DCC: variants seen among roughly 807,000 people sequenced by gnomAD.
DCC encodes DCC netrin 1 receptor, also known as netrin receptor DCC.
In DCC, 58 loss-of-function variants were observed where a neutral mutation model predicts 172.5. That is an observed-to-expected ratio of 0.34 (90% CI 0.27 to 0.42). The LOEUF (loss-of-function observed/expected upper bound fraction) is 0.42. Among genes scored for constraint, DCC ranks in the 10% least tolerant of loss-of-function variants. The pLI, the probability that DCC is intolerant of heterozygous loss-of-function variation, is 1.00. For missense variants in DCC, 1,740 were observed against 1,791.0 expected (o/e 0.97, Z 0.51); for synonymous variants, 709 against 644.5 (o/e 1.10, Z -1.52).
intron 12 of DCC, among the ~76,000 whole-genome samples, chr18:53,226,949 T>TATATATATA (rs1555734428): frequency 2.1e-5 from 1 of 47,476 alleles, no homozygotes; most frequent in Non-Finnish European, 4.1e-5. Flanking sequence ...TATATATATA[T>TATATATATA]TTTTTTTTTT....
At chr18:52,718,825 T>C (rs767283095) in intron 1 of DCC, among the ~76,000 whole-genome samples, 1 of 152,196 alleles carries the variant, frequency 6.6e-6, no homozygotes, top group African/African-American at 2.4e-5. Flanking sequence ...GGTAACTTTG[T>C]GAAGGCAAGT....
intron 12 of DCC, among the ~76,000 whole-genome samples, chr18:53,232,064 T>C (rs780387606): frequency 2.6e-5 from 4 of 152,152 alleles, no homozygotes; most frequent in Admixed American, 1.3e-4. Context: ...GTTCTGTCCC[T>C]CTATAACGTC....
At chr18:53,104,608 G>A (rs1248157937) in intron 7 of DCC, among the ~76,000 whole-genome samples, 1 of 151,822 alleles carries the variant, frequency 6.6e-6, no homozygotes, top group African/African-American at 2.4e-5. Context: ...TGATTTTCTG[G>A]TAATTCAAAA....
chr18:53,378,404 G>A (rs1443551491), intron 15 of DCC, among the ~76,000 whole-genome samples: 1 of 148,624 alleles, frequency 6.7e-6, no homozygotes, highest in African/African-American at 2.6e-5. Flanking sequence ...AATGGCGATT[G>A]TTGAGTGTCC....
Position 53,128,784 on chromosome 18 carries a change from GTACT to G in DCC, c.1262-28566_1262-28563del, listed in dbSNP as rs528850389. On this transcript the variant is annotated intron_variant, in intron 7 of 28. Transcript: ENST00000442544. ...TGAAACAGTTACTGTTAAAATGTTAGTACTTACTTTTAATATTTGCCTCTCTACG... is the reference window on the plus strand; with the variant it reads ...TGAAACAGTTACTGTTAAAATGTTAGTACTTTTAATATTTGCCTCTCTACG... Among the ~76,000 whole-genome samples the G allele has an allele frequency of 4.4e-3, 640 of 146,230 alleles. 6 individuals carry two copies. In the Middle Eastern group the frequency reaches 0.056, roughly 13 times the overall value.
chr18:53,412,382 T>C (rs1217823594), intron 20 of DCC, among the ~76,000 whole-genome samples: 2 of 152,166 alleles, frequency 1.3e-5, no homozygotes, highest in East Asian at 3.8e-4. Flanking sequence ...ATTTTGTACA[T>C]GTATACATCT....
intron 12 of DCC, among the ~76,000 whole-genome samples, chr18:53,281,598 A>G (rs994757510): frequency 1.3e-5 from 2 of 152,080 alleles, no homozygotes; most frequent in Admixed American, 6.6e-5. Context: ...CTGACTTCAT[A>G]TTCCTTTTTG....
At chr18:53,021,111 A>G (rs75987806) in intron 5 of DCC, among the ~76,000 whole-genome samples, 17,699 of 152,054 alleles carry the variant, frequency 0.12, 1,396 homozygotes, top group East Asian at 0.32. Flanking sequence ...CCTGAGGGAA[A>G]GGGCACTTGC....
intron 1 of DCC, among the ~76,000 whole-genome samples, chr18:52,619,078 C>T (rs866471379): frequency 3.2e-4 from 49 of 152,234 alleles, no homozygotes; most frequent in Middle Eastern, 3.4e-3. Context: ...GCTGGGATTA[C>T]GGGCATGCAC....
intron 2 of DCC, among the ~76,000 whole-genome samples, chr18:52,787,332 A>G (rs1457968701): frequency 6.6e-6 from 1 of 152,124 alleles, no homozygotes; most frequent in African/African-American, 2.4e-5. Flanking sequence ...GGTCCTTAAT[A>G]TGGCTTGATG....
intron 19 of DCC, among the ~76,000 whole-genome samples, chr18:53,405,438 G>A (rs1265004600): frequency 6.6e-6 from 1 of 152,060 alleles, no homozygotes; most frequent in African/African-American, 2.4e-5. Flanking sequence ...TAATAGAACC[G>A]CACTAGAATA....
At position 53,387,169 on chromosome 18, in the gene DCC, G is replaced by A. The variant is rs147594074; in HGVS notation, c.2455+1031G>A. Among the ~76,000 whole-genome samples, 1,099 of 152,306 alleles carry A rather than the reference G, an allele frequency of 7.2e-3. 4 individuals carry two copies. The highest frequency in any genetic ancestry group is 0.02 in the Middle Eastern group (6 of 294). On this transcript the variant is annotated intron_variant, in intron 16 of 28. Transcript: ENST00000442544. Reference sequence around the variant, plus strand: ...GTTATAAAATAAATAGTGGAATCCCGTGGCTTCTACTCCTGCCCAAATTTA... The same window carrying A: ...GTTATAAAATAAATAGTGGAATCCCATGGCTTCTACTCCTGCCCAAATTTA...
chr18:52,803,937 C>CCAGTCCT (rs1304095484), intron 2 of DCC, among the ~76,000 whole-genome samples: 41 of 152,148 alleles, frequency 2.7e-4, no homozygotes, highest in African/African-American at 9.6e-4. Flanking sequence ...TGACGTTTTG[C>CCAGTCCT]TGGGGATGCA....
intron 1 of DCC, among the ~76,000 whole-genome samples, chr18:52,649,278 C>A (rs1329474967): frequency 6.7e-6 from 1 of 149,782 alleles, no homozygotes; most frequent in Non-Finnish European, 1.5e-5. Context: ...GAGGCTGAGG[C>A]AGGAGAATGG....
intron 1 of DCC, among the ~76,000 whole-genome samples, chr18:52,614,606 C>T (rs2034342686): frequency 6.6e-6 from 1 of 152,062 alleles, no homozygotes; most frequent in African/African-American, 2.4e-5. Context: ...CCTTATAGAA[C>T]TTGAAGTTGT....
At chr18:52,401,573 C>G (rs34220152) in intron 1 of DCC, among the ~76,000 whole-genome samples, 2,089 of 152,080 alleles carry the variant, frequency 0.014, 21 homozygotes, top group Non-Finnish European at 0.021. Flanking sequence ...AGCAAAGGAA[C>G]AGTGAAAATG....
intron 1 of DCC, among the ~76,000 whole-genome samples, chr18:52,658,722 C>T (rs1221597619): frequency 6.6e-6 from 1 of 151,954 alleles, no homozygotes; most frequent in Non-Finnish European, 1.5e-5. Context: ...ACAAATGTTA[C>T]AGCTTTTTCT....
chr18:53,317,960 T>A (rs1275589460), intron 13 of DCC, among the ~76,000 whole-genome samples: 2 of 152,022 alleles, frequency 1.3e-5, no homozygotes, highest in Non-Finnish European at 2.9e-5. Flanking sequence ...TTTTGAAGGG[T>A]TTTTTGTGTC....
chr18:52,487,935 A>G lies in DCC; in HGVS notation c.91+147057A>G, dbSNP rs184137177. 3.6e-3 allele frequency among the ~76,000 whole-genome samples: 541 copies of G among 152,120 alleles called. 5 individuals carry two copies. Among genetic ancestry groups the G allele is most frequent in the African/African-American group, 0.012 (517 of 41,512 alleles). ...GGATAATCGGGATGAGTCTCCTTCAAGATGTTCAATCTAATGCCTGAGATC... is the reference window on the plus strand; with the variant it reads ...GGATAATCGGGATGAGTCTCCTTCAGGATGTTCAATCTAATGCCTGAGATC... On this transcript the variant is annotated intron_variant, in intron 1 of 28. Coordinates refer to ENST00000442544, the MANE Select transcript of DCC (RefSeq NM_005215.4).
Sources: gnomAD v4.1 joint callset for allele counts (sites outside exome capture counted in the v4.1 genomes callset) on GRCh38, gnomAD v4.1.1 for gene constraint, MANE v1.5 for transcripts, NCBI Gene and HGNC (gene_info 2026-07-23, HGNC 2026-07-21) for gene names.